The following HIVEP2 variants were observed in gnomAD, a reference collection of about 807,000 sequenced individuals.
The protein encoded by HIVEP2 is HIVEP zinc finger 2, also known as transcription factor HIVEP2.
A neutral mutation model predicts 180.7 loss-of-function variants in HIVEP2; 14 were observed. The ratio of observed to expected loss-of-function variants is 0.08; its 90% CI spans 0.05 to 0.12. The LOEUF is 0.12. Among genes scored for constraint, HIVEP2 ranks in the 10% least tolerant of loss-of-function variants. HIVEP2 has a pLI of 1.00. For missense variants in HIVEP2, 2,579 were observed against 3,008.5 expected (o/e 0.86, Z 3.34); for synonymous variants, 1,184 against 1,136.4 (o/e 1.04, Z -0.84).
intron 1 of HIVEP2, among the ~76,000 whole-genome samples, chr6:142,921,346 G>A (rs972304717): frequency 1.3e-5 from 2 of 152,208 alleles, no homozygotes; most frequent in African/African-American, 2.4e-5. Flanking sequence ...GACCAGCCTG[G>A]CCAACATGGC....
intron 1 of HIVEP2, among the ~76,000 whole-genome samples, chr6:142,865,144 C>T (rs1157111483): frequency 6.6e-6 from 1 of 152,030 alleles, no homozygotes; most frequent in Non-Finnish European, 1.5e-5. Context: ...TACTATTGCT[C>T]CAGGAAAACC....
chr6:142,826,604 A>G (rs954995020), intron 2 of HIVEP2, among the ~76,000 whole-genome samples: 3 of 152,234 alleles, frequency 2.0e-5, no homozygotes, highest in African/African-American at 7.2e-5. Flanking sequence ...CCAATGTTGT[A>G]ATAGGTAAAG....
intron 2 of HIVEP2, among the ~76,000 whole-genome samples, chr6:142,805,497 C>G (rs534620065): frequency 6.6e-6 from 1 of 151,344 alleles, no homozygotes; most frequent in African/African-American, 2.4e-5. Context: ...TGGAAGAGGA[C>G]ACAGAGAGAC....
At chr6:142,923,568 T>C (rs1179284311) in intron 1 of HIVEP2, among the ~76,000 whole-genome samples, 2 of 152,200 alleles carry the variant, frequency 1.3e-5, no homozygotes, top group African/African-American at 2.4e-5. Flanking sequence ...TCAGCTGATA[T>C]ATTGGATGGA....
At chr6:142,794,468 C>G (rs188119593) in intron 2 of HIVEP2, among the ~76,000 whole-genome samples, 79 of 152,266 alleles carry the variant, frequency 5.2e-4, no homozygotes, top group African/African-American at 1.7e-3. Context: ...TAGCCTTCAA[C>G]TGTATTGATT....
intron 1 of HIVEP2, among the ~76,000 whole-genome samples, chr6:142,903,145 G>A (rs952834916): frequency 1.3e-5 from 2 of 152,116 alleles, no homozygotes; most frequent in African/African-American, 4.8e-5. Flanking sequence ...TGAGCTAACT[G>A]AACCACAAGC....
chr6:142,771,304 C>A lies in HIVEP2; in HGVS notation c.3435G>T (p.Pro1145=). ...CCAGGTGCAGTGGCCCCGAGCTCAG[C>A]GGGGGACAAGGACCCGCCACCTGCT... ...PGKQVAGPCP[P]LSSGPLHLAQ... The change falls in exon 5 of 10, where the codon CCG becomes CCT. Residue 1145 remains proline, a synonymous_variant. Coordinates refer to ENST00000367603, the MANE Select transcript of HIVEP2 (RefSeq NM_006734.4). The surrounding 1 kb of genome is among the most constrained non-coding windows in gnomAD (Gnocchi z 5.4). 6.2e-7 allele frequency: 1 copy of A among 1,613,434 alleles called. No individual in the cohort carries two copies. The highest frequency in any genetic ancestry group is 8.5e-7 in the Non-Finnish European group (1 of 1,180,020).
In HIVEP2 at chr6:142,761,151, T is replaced by G. The variant is rs561821194; in HGVS notation, c.5620+313A>C. Among the ~76,000 whole-genome samples, 193 of 152,310 alleles carry G rather than the reference T, an allele frequency of 1.3e-3. 2 individuals are homozygous for G. The highest frequency in any genetic ancestry group is 4.5e-3 in the African/African-American group (187 of 41,554). ...ATAATACATTAAAATGCTTTTCAAATTCCCCAAAAAGCCTCATAAAATCTA... is the reference window on the plus strand; with the variant it reads ...ATAATACATTAAAATGCTTTTCAAAGTCCCCAAAAAGCCTCATAAAATCTA... On this transcript the variant is annotated intron_variant, in intron 8 of 9. Coordinates refer to ENST00000367603, the MANE Select transcript of HIVEP2 (RefSeq NM_006734.4).
intron 2 of HIVEP2, among the ~76,000 whole-genome samples, chr6:142,819,412 T>C (rs1014367777): frequency 2.6e-5 from 4 of 152,160 alleles, no homozygotes; most frequent in African/African-American, 9.7e-5. Context: ...GAAAAGGCTA[T>C]GAAGCAAGAA....
rs550943796 is a variant in HIVEP2, at chr6:142,754,584, A to G, written c.6517-653T>C. On this transcript the variant is annotated intron_variant, in intron 9 of 9. Coordinates refer to ENST00000367603, the MANE Select transcript of HIVEP2 (RefSeq NM_006734.4). Reference sequence around the variant, plus strand: ...TGCAGAAGGCCAGCTTCTCCATCCAATAACAAACCAAGTCCATTTAAGTCT... The same window carrying G: ...TGCAGAAGGCCAGCTTCTCCATCCAGTAACAAACCAAGTCCATTTAAGTCT... 1.9e-4 allele frequency among the ~76,000 whole-genome samples: 29 copies of G among 152,342 alleles called. 1 individual carries two copies. Among genetic ancestry groups the G allele is most frequent in the Admixed American group, 3.3e-4 (5 of 15,300 alleles).
chr6:142,848,320 A>T (rs529069908), intron 1 of HIVEP2, among the ~76,000 whole-genome samples: 18 of 152,232 alleles, frequency 1.2e-4, no homozygotes, highest in Non-Finnish European at 2.5e-4. Flanking sequence ...TTTACTGCTT[A>T]AGTAAATGAA....
At chr6:142,865,782 T>C (rs1412290419) in intron 1 of HIVEP2, among the ~76,000 whole-genome samples, 1 of 152,192 alleles carries the variant, frequency 6.6e-6, no homozygotes, top group African/African-American at 2.4e-5. Flanking sequence ...GCGTTTCGCA[T>C]GCTTCAGTAA....
intron 3 of HIVEP2, among the ~76,000 whole-genome samples, chr6:142,783,273 A>C (rs961136014): frequency 1.5e-5 from 2 of 133,716 alleles, no homozygotes; most frequent in African/African-American, 5.4e-5. Context: ...GGTTGCAGTG[A>C]GCCAAGATTG....
intron 9 of HIVEP2, among the ~76,000 whole-genome samples, chr6:142,757,689 A>T (rs2328373): frequency 4.0e-5 from 6 of 151,598 alleles, no homozygotes; most frequent in Non-Finnish European, 7.4e-5. Context: ...TCAGATATTT[A>T]AAAAAAAATG....
chr6:142,867,730 T>G (rs1334119933), intron 1 of HIVEP2, among the ~76,000 whole-genome samples: 2 of 152,200 alleles, frequency 1.3e-5, no homozygotes, highest in Non-Finnish European at 2.9e-5. Flanking sequence ...TGCTGCCAGT[T>G]ACTTAGAAAA....
At chr6:142,873,010 C>A (rs1299706107) in intron 1 of HIVEP2, among the ~76,000 whole-genome samples, 1 of 152,204 alleles carries the variant, frequency 6.6e-6, no homozygotes, top group African/African-American at 2.4e-5. Flanking sequence ...TAAGACACAA[C>A]TTTTACCCAT....
Position 142,774,719 on chromosome 6 carries a change from G to T in HIVEP2, c.20C>A (p.Ala7Asp). 1 of 1,614,054 alleles carries T rather than the reference G, an allele frequency of 6.2e-7. No homozygotes were observed. Among genetic ancestry groups the T allele is most frequent in the Non-Finnish European group, 8.5e-7 (1 of 1,179,960 alleles). Residue 7 changes from alanine (A) to aspartate (D), a missense_variant, in exon 5 of 10, where the codon GCT (alanine) becomes GAT (aspartate). By Grantham distance (126) the Ala-to-Asp change is moderately radical. Coordinates refer to ENST00000367603, the MANE Select transcript of HIVEP2 (RefSeq NM_006734.4). This position sits in a 1 kb window ranked among gnomAD's most constrained non-coding sequence, Gnocchi z 5.1. ...CCTTGAGGTAGCTTTTTGTCCTAGA[G>T]CTGTGTCCCCAGTGTCCATTTTGTT... MDTGDT[A>D]LGQKATSRSG... is the part of the protein sequence containing the mutation.
intron 3 of HIVEP2, among the ~76,000 whole-genome samples, 169 bp downstream of exon 3, chr6:142,783,350 AAG>A (rs1491061168): frequency 2.0e-5 from 3 of 146,878 alleles, no homozygotes; most frequent in East Asian, 1.9e-4. Flanking sequence ...AAAAAAAAAA[AAG>A]ACTAGTCTAC....
chr6:142,864,364 T>C (rs1032868376), intron 1 of HIVEP2, among the ~76,000 whole-genome samples: 1 of 152,196 alleles, frequency 6.6e-6, no homozygotes, highest in Non-Finnish European at 1.5e-5. Context: ...GAAAGAGCTG[T>C]GTTCCTCAAC....
Sources: gnomAD v4.1 joint callset for allele counts (sites outside exome capture counted in the v4.1 genomes callset) on GRCh38, gnomAD v4.1.1 for gene constraint, Gnocchi (gnomAD v3.1) non-coding constraint, MANE v1.5 for transcripts, NCBI Gene and HGNC (gene_info 2026-07-23, HGNC 2026-07-21) for gene names.